Variants in TIGD7 observed in about 807,000 individuals in gnomAD.
TIGD7 encodes tigger transposable element derived 7, also known as tigger transposable element-derived protein 7.
Under a neutral mutation model 24.8 loss-of-function variants are expected in TIGD7, and 26 were observed. The ratio of observed to expected loss-of-function variants is 1.05; its 90% CI spans 0.77 to 1.45. TIGD7 has a LOEUF of 1.45. Among genes scored for constraint, TIGD7 ranks in the 40% most tolerant of loss-of-function variants. The probability of loss-of-function intolerance (pLI) is 0.00; values close to 1 mark genes in which losing one functional copy is unlikely to be tolerated. For missense variants in TIGD7, 679 were observed against 641.6 expected, an observed-to-expected ratio of 1.06 and a Z score of -0.63; for synonymous variants, 221 against 224.1, an observed-to-expected ratio of 0.99 and a Z score of 0.12.
chr16:3,303,403 C>G (rs1959994070), intron 1 of TIGD7, among the ~76,000 whole-genome samples: 1 of 152,194 alleles, frequency 6.6e-6, no homozygotes, highest in African/African-American at 2.4e-5. Flanking sequence ...GCACTGCTAG[C>G]AGAACTTCAC....
intron 1 of TIGD7, among the ~76,000 whole-genome samples, chr16:3,303,494 C>T (rs1959998283): frequency 1.3e-5 from 2 of 152,186 alleles, no homozygotes; most frequent in Non-Finnish European, 2.9e-5. Context: ...GCGCTACTGT[C>T]CACTGGTTCT....
Position 3,299,589 on chromosome 16 carries a change from A to G in TIGD7, c.1026T>C (p.Tyr342=). The change falls in exon 2 of 2, where the codon TAT becomes TAC. Residue 342 remains tyrosine (Y), a synonymous_variant. Coordinates refer to ENST00000396862, the MANE Select transcript of TIGD7 (RefSeq NM_033208.4). The part of the protein sequence containing the change: ...QGVILSCKRL[Y]RWKQLEESLV... ...GACTCTCTTCAAGTTGCTTCCATCT[A>G]TACAGCCGTTTGCAGCTCAAGATCA... 2 of 1,555,320 alleles carry G rather than the reference A, an allele frequency of 1.3e-6. No individual in the cohort carries two copies. The highest frequency in any genetic ancestry group is 8.6e-7 in the Non-Finnish European group (1 of 1,156,828).
In TIGD7 at chr16:3,300,677, A is replaced by C. The variant is rs1313376247; in HGVS notation, c.-63T>G. Reference sequence around the variant, plus strand: ...AAGGGAAAAGCCTTAATGAATTGGCAAAAAAAAAACCCACATTTTTTAAAC... The same window carrying C: ...AAGGGAAAAGCCTTAATGAATTGGCCAAAAAAAAACCCACATTTTTTAAAC... On this transcript the variant is annotated 5_prime_UTR_variant, in exon 2 of 2. Transcript: ENST00000396862. The C allele has an allele frequency of 1.5e-6, 2 of 1,366,770 alleles. No homozygotes were observed. The highest frequency in any genetic ancestry group is 1.9e-6 in the Non-Finnish European group (2 of 1,030,728). The allele number at this position is 1,366,770 out of a possible 1,614,324, so 84.7% of individuals were successfully genotyped here.
chr16:3,299,721 G>C lies in TIGD7; in HGVS notation c.894C>G (p.Cys298Trp). The change falls in exon 2 of 2, where the codon TGC becomes TGG. Residue 298 changes from cysteine (C) to tryptophan (W), a missense_variant. Transcript: ENST00000396862. ...DVRALLLLDSCPAHPSSESLT... is the reference protein window; with the variant it reads ...DVRALLLLDSWPAHPSSESLT... Reference sequence around the variant, plus strand: ...GGGATTCAGAGGAAGGATGAGCCGGGCAACTGTCCAGAAGTAACAATGCCC... The same window carrying C: ...GGGATTCAGAGGAAGGATGAGCCGGCCAACTGTCCAGAAGTAACAATGCCC... 2 of 1,535,736 alleles carry C rather than the reference G, an allele frequency of 1.3e-6. No individual in the cohort carries two copies. Among genetic ancestry groups the C allele is most frequent in the Non-Finnish European group, 1.7e-6 (2 of 1,146,064 alleles).
At position 3,299,226 on chromosome 16, in the gene TIGD7, T is replaced by C. The variant is rs1048900726; in HGVS notation, c.1389A>G (p.Gln463=). 1.1e-5 allele frequency: 18 copies of C among 1,609,580 alleles called. No individual in the cohort carries two copies. The highest frequency in any genetic ancestry group is 1.5e-5 in the Non-Finnish European group (18 of 1,178,736). The part of the protein sequence containing the change: ...TKGGITKEVV[Q]KGGEAEKQTA... ...TCTGCTTCTCAGCTTCTCCTCCTTT[T>C]TGAACAACTTCCTTTGTTATTCCAC... is the stretch of plus-strand genomic sequence containing the variant. The change falls in exon 2 of 2, where the codon CAA becomes CAG. Residue 463 remains glutamine (Q), a synonymous_variant. Coordinates refer to ENST00000396862, the MANE Select transcript of TIGD7 (RefSeq NM_033208.4).
Position 3,300,330 on chromosome 16 carries a change from A to G in TIGD7, c.285T>C (p.Gly95=), listed in dbSNP as rs761438067. ...GAAGCTCCACGCCTCTTACCGGAAC[A>G]CCGGCTGAGCGTTTCTGTTGGTACC... ...YMWYQQKRSA[G]VPVRGVELQA... is the part of the protein sequence containing the mutation. Residue 95 remains glycine (G), a synonymous_variant, in exon 2 of 2, where the codon GGT becomes GGC. Transcript: ENST00000396862. The G allele has an allele frequency of 1.4e-5, 22 of 1,614,116 alleles. 1 individual carries two copies. The South Asian group carries it at 2.2e-4, about 16-fold the overall frequency.
intron 1 of TIGD7, 150 bp downstream of exon 1, chr16:3,305,062 C>T (rs1473084122): frequency 6.6e-6 from 1 of 152,234 alleles, no homozygotes; most frequent in African/African-American, 2.4e-5. Context: ...CTCGGGGGGC[C>T]GCTGTTTCTG....
intron 1 of TIGD7, among the ~76,000 whole-genome samples, chr16:3,302,977 A>G (rs1959983044): frequency 6.6e-6 from 1 of 151,560 alleles, no homozygotes; most frequent in Non-Finnish European, 1.5e-5. Flanking sequence ...AGCTGGGATT[A>G]CAGGCACGCA....
At chr16:3,304,956 A>C (rs1308975988) in intron 1 of TIGD7, 1 of 152,210 alleles carries the variant, frequency 6.6e-6, no homozygotes, top group African/African-American at 2.4e-5. Context: ...TGTCAAGGAG[A>C]GATAGAAAAA....
At position 3,299,709 on chromosome 16, in the gene TIGD7, A is replaced by T. The variant is rs141642267; in HGVS notation, c.906T>A (p.Pro302=). The T allele has an allele frequency of 1.4e-4, 210 of 1,536,648 alleles. No homozygotes were observed. The highest frequency in any genetic ancestry group is 1.8e-4 in the Non-Finnish European group (201 of 1,146,944). ...LLLLDSCPAH[P]SSESLTSEDG... is the part of the protein sequence containing the mutation. ...CCTCACTGGTTAGGGATTCAGAGGA[A>T]GGATGAGCCGGGCAACTGTCCAGAA... Residue 302 remains proline, a synonymous_variant, in exon 2 of 2, where the codon CCT becomes CCA. Coordinates refer to ENST00000396862, the MANE Select transcript of TIGD7 (RefSeq NM_033208.4).
rs113950292 is a variant in TIGD7 at position 3,301,086 on chromosome 16, A to C, written c.-472T>G. The C allele has an allele frequency of 4.9e-3, 835 of 170,002 alleles. 8 individuals are homozygous for C. Among genetic ancestry groups the C allele is most frequent in the African/African-American group, 0.019 (797 of 41,602 alleles). The allele number at this position is 170,002 out of a possible 1,614,324, so 10.5% of individuals were successfully genotyped here. On this transcript the variant is annotated 5_prime_UTR_variant, in exon 2 of 2. Transcript: ENST00000396862. The stretch of plus-strand genomic sequence containing the variant: ...AGAAGAAGGGAGCGTGAAAGACTCA[A>C]AGGCAATGACAGAGTAATCTTGTGT...
chr16:3,300,764 G>A lies in TIGD7; in HGVS notation c.-150C>T, dbSNP rs1959918076. The A allele has an allele frequency of 7.5e-7, 1 of 1,337,454 alleles. No homozygotes were observed. Among genetic ancestry groups the A allele is most frequent in the Admixed American group, 3.1e-5 (1 of 32,354 alleles). The allele number at this position is 1,337,454 out of a possible 1,614,324, so 82.8% of individuals were successfully genotyped here. A position where few individuals can be genotyped will look rare whatever the true frequency, so the allele number is the denominator to read the frequency against. On this transcript the variant is annotated 5_prime_UTR_variant, in exon 2 of 2. Transcript: ENST00000396862. ...GTATTGGAGGATAATGGACTGAAGGGGCTAACCATGACTGAAGAGCTAGTC... is the reference window on the plus strand; with the variant it reads ...GTATTGGAGGATAATGGACTGAAGGAGCTAACCATGACTGAAGAGCTAGTC...
chr16:3,299,993 C>G lies in TIGD7; in HGVS notation c.622G>C (p.Glu208Gln). The G allele has an allele frequency of 6.2e-7, 1 of 1,614,034 alleles. No individual in the cohort carries two copies. Among genetic ancestry groups the G allele is most frequent in the East Asian group, 2.2e-5 (1 of 44,890 alleles). ...ICLPGKKINK[E>Q]RLSAFLCANA... Reference sequence around the variant, plus strand: ...GCACATAAAAAGGCAGACAACCTTTCTTTGTTTATTTTCTTCCCTGGTAGG... The same window carrying G: ...GCACATAAAAAGGCAGACAACCTTTGTTTGTTTATTTTCTTCCCTGGTAGG... Residue 208 changes from glutamate (E) to glutamine (Q), a missense_variant, in exon 2 of 2, where the codon GAA (glutamate) becomes CAA (glutamine). By Grantham distance (29) the Glu-to-Gln change is conservative. Coordinates refer to ENST00000396862, the MANE Select transcript of TIGD7 (RefSeq NM_033208.4).
chr16:3,299,566 C>G lies in TIGD7; in HGVS notation c.1049G>C (p.Ser350Thr), dbSNP rs997234848. The change falls in exon 2 of 2, where the codon AGT becomes ACT. Residue 350 changes from serine (S) to threonine (T), a missense_variant. Coordinates refer to ENST00000396862, the MANE Select transcript of TIGD7 (RefSeq NM_033208.4). Reference protein sequence around the residue: ...RLYRWKQLEESLVIFEESDDE... With the variant: ...RLYRWKQLEETLVIFEESDDE... ...ATCACTTTCTTCAAATATTACAAGA[C>G]TCTCTTCAAGTTGCTTCCATCTATA... The G allele has an allele frequency of 5.2e-6, 8 of 1,534,630 alleles. No individual in the cohort carries two copies. The highest frequency in any genetic ancestry group is 4.4e-6 in the Non-Finnish European group (5 of 1,146,286).
chr16:3,299,573 C>G lies in TIGD7; in HGVS notation c.1042G>C (p.Glu348Gln). Residue 348 changes from glutamate to glutamine, a missense_variant, in exon 2 of 2, where the codon GAA (glutamate) becomes CAA (glutamine). By Grantham distance (29) the Glu-to-Gln change is conservative. Coordinates refer to ENST00000396862, the MANE Select transcript of TIGD7 (RefSeq NM_033208.4). ...TCTTCAAATATTACAAGACTCTCTT[C>G]AAGTTGCTTCCATCTATACAGCCGT... ...CKRLYRWKQL[E>Q]ESLVIFEESD... The G allele has an allele frequency of 2.0e-6, 3 of 1,537,856 alleles. No homozygotes were observed. Among genetic ancestry groups the G allele is most frequent in the Non-Finnish European group, 2.6e-6 (3 of 1,148,060 alleles).
At position 3,300,824 on chromosome 16, in the gene TIGD7, C is replaced by T. The variant is rs536226682; in HGVS notation, c.-210G>A. Reference sequence around the variant, plus strand: ...AGGTCTTATGCACTCAGAAAGCTGCCAGTTGCAAAGTCCTGTCTGGCTCTT... The same window carrying T: ...AGGTCTTATGCACTCAGAAAGCTGCTAGTTGCAAAGTCCTGTCTGGCTCTT... On this transcript the variant is annotated 5_prime_UTR_variant, in exon 2 of 2. An upstream open reading frame in the 5' UTR gains an earlier in-frame stop. Transcript: ENST00000396862. 1.3e-6 allele frequency: 1 copy of T among 766,344 alleles called. No homozygotes were observed. The highest frequency in any genetic ancestry group is 3.3e-5 in the East Asian group (1 of 30,630). 47.5% of individuals were successfully genotyped at this position (766,344 alleles called of 1,614,324 possible).
chr16:3,300,542 C>T lies in TIGD7; in HGVS notation c.73G>A (p.Gly25Arg). ...TCCATTACACTTTTAAGTGATCGTC[C>T]AGCTTCAATTCTACTTAGAACCTTC... is the stretch of plus-strand genomic sequence containing the variant. ...KMKVLSRIEA[G>R]RSLKSVMDEF... is the part of the protein sequence containing the mutation. Residue 25 changes from glycine to arginine, a missense_variant, in exon 2 of 2, where the codon GGA (glycine) becomes AGA (arginine). By Grantham distance (125) the Gly-to-Arg change is moderately radical. Coordinates refer to ENST00000396862, the MANE Select transcript of TIGD7 (RefSeq NM_033208.4). 1 of 1,613,246 alleles carries T rather than the reference C, an allele frequency of 6.2e-7. No homozygotes were observed. The highest frequency in any genetic ancestry group is 8.5e-7 in the Non-Finnish European group (1 of 1,179,754).
chr16:3,299,013 A>T lies in TIGD7; in HGVS notation c.1602T>A (p.Asn534Lys). 1 of 1,356,080 alleles carries T rather than the reference A, an allele frequency of 7.4e-7. No homozygotes were observed. The highest frequency in any genetic ancestry group is 9.6e-7 in the Non-Finnish European group (1 of 1,046,168). 84.0% of individuals were successfully genotyped at this position (1,356,080 alleles called of 1,614,324 possible). ...IGSFLKPRPHNIKDSFSGPST... is the reference protein window; with the variant it reads ...IGSFLKPRPHKIKDSFSGPST... ...AAGGCCCACTGAAGGAGTCCTTAAT[A>T]TTATGAGGCCTAGGTTTCAAAAAGC... is the stretch of plus-strand genomic sequence containing the variant. The change falls in exon 2 of 2, where the codon AAT (asparagine) becomes AAA (lysine). Residue 534 changes from asparagine to lysine, a missense_variant. By Grantham distance (94) the Asn-to-Lys change is moderately conservative. Transcript: ENST00000396862.
In TIGD7 at chr16:3,299,606, T is replaced by TC. The variant is rs1356182474; in HGVS notation, c.1008dup (p.Ser337GlufsTer7). The TC allele has an allele frequency of 6.4e-7, 1 of 1,561,340 alleles. No homozygotes were observed. On this transcript the variant is annotated frameshift_variant, in exon 2 of 2. Coordinates refer to ENST00000396862, the MANE Select transcript of TIGD7 (RefSeq NM_033208.4). LOFTEE classifies it low-confidence loss of function (END_TRUNC). ...TTCCATCTATACAGCCGTTTGCAGC[T>TC]CAAGATCACACCTTGATTCATTGGT...
Sources: gnomAD v4.1 joint callset for allele counts (sites outside exome capture counted in the v4.1 genomes callset) on GRCh38, gnomAD v4.1.1 for gene constraint, MANE v1.5 for transcripts, NCBI Gene and HGNC (gene_info 2026-07-23, HGNC 2026-07-21) for gene names.